Variants in DEPDC5 observed in about 807,000 individuals in gnomAD.
DEPDC5 encodes DEP domain containing 5, GATOR1 subcomplex subunit.
A neutral mutation model predicts 217.3 loss-of-function variants in DEPDC5; 73 were observed. The observed-to-expected ratio is 0.34, with a 90% CI of 0.28 to 0.41. DEPDC5 has a LOEUF of 0.41. Among genes scored for constraint, DEPDC5 ranks in the 10% least tolerant of loss-of-function variants. The pLI, the probability that DEPDC5 is intolerant of heterozygous loss-of-function variation, is 1.00. For missense variants in DEPDC5, 1,675 were observed against 2,070.1 expected (o/e 0.81, Z 3.70); for synonymous variants, 733 against 756.7 (o/e 0.97, Z 0.51).
chr22:31,907,473 T>G lies in DEPDC5; in HGVS notation c.*976T>G, dbSNP rs2093773444. 1 of 152,186 alleles carries G rather than the reference T, an allele frequency of 6.6e-6. No individual in the cohort carries two copies. The allele number at this position is 152,186 out of a possible 1,614,324, so 9.4% of individuals were successfully genotyped here. A position where few individuals can be genotyped will look rare whatever the true frequency, so the allele number is the denominator to read the frequency against. On this transcript the variant is annotated 3_prime_UTR_variant, in exon 43 of 43. Coordinates refer to ENST00000651528, the MANE Select transcript of DEPDC5 (RefSeq NM_001242896.3). Reference sequence around the variant, plus strand: ...TGTGATCTCAGCTCACTACAACCTCTGCCTCCTGGGTTCAAGCGATTCTCC... The same window carrying G: ...TGTGATCTCAGCTCACTACAACCTCGGCCTCCTGGGTTCAAGCGATTCTCC...
chr22:31,765,937 C>T (rs1233669963), intron 5 of DEPDC5, among the ~76,000 whole-genome samples: 2 of 152,130 alleles, frequency 1.3e-5, no homozygotes, highest in Non-Finnish European at 2.9e-5. Flanking sequence ...GCATGAGAGT[C>T]ACTTGAGCCC....
intron 40 of DEPDC5, among the ~76,000 whole-genome samples, chr22:31,899,099 G>A (rs1280386116): frequency 1.3e-5 from 2 of 152,232 alleles, no homozygotes; most frequent in Non-Finnish European, 2.9e-5. Flanking sequence ...TGCCCACAGG[G>A]CTGGCGTTGG....
At chr22:31,869,326 G>A (rs940049270) in intron 33 of DEPDC5, among the ~76,000 whole-genome samples, 1 of 152,112 alleles carries the variant, frequency 6.6e-6, no homozygotes, top group Non-Finnish European at 1.5e-5. Flanking sequence ...AGTAGAGAGG[G>A]AGATGGATCT....
intron 35 of DEPDC5, among the ~76,000 whole-genome samples, chr22:31,873,558 C>A (rs999582519): frequency 4.0e-5 from 6 of 151,634 alleles, no homozygotes; most frequent in Admixed American, 3.9e-4. Flanking sequence ...GTCACCCAGG[C>A]TAGAGTGCGG....
chr22:31,904,315 G>A (rs974919251), intron 41 of DEPDC5, among the ~76,000 whole-genome samples: 5 of 152,220 alleles, frequency 3.3e-5, no homozygotes, highest in Non-Finnish European at 5.9e-5. Flanking sequence ...AGGTGGCCAG[G>A]AACCATGTGG....
chr22:31,846,941 C>T lies in DEPDC5; in HGVS notation c.3129C>T (p.Ala1043=). Residue 1043 remains alanine (A), a synonymous_variant, in exon 31 of 43, where the codon GCC becomes GCT. Coordinates refer to ENST00000651528, the MANE Select transcript of DEPDC5 (RefSeq NM_001242896.3). ...AGAAGGGAACCTCAGCTCTCTCTGC[C>T]CTGTTGGAGATGGAGGCCAGTCAGA... ...VGKKGTSALS[A]LLEMEASQKC... The T allele has an allele frequency of 1.9e-6, 3 of 1,614,224 alleles. No individual in the cohort carries two copies. The highest frequency in any genetic ancestry group is 1.3e-5 in the African/African-American group (1 of 75,050).
intron 34 of DEPDC5, among the ~76,000 whole-genome samples, chr22:31,872,828 C>T (rs746878578): frequency 3.9e-5 from 6 of 152,100 alleles, no homozygotes; most frequent in African/African-American, 4.8e-5. Context: ...GACCTCAGCT[C>T]ACTGCACCCT....
intron 33 of DEPDC5, among the ~76,000 whole-genome samples, chr22:31,866,084 C>T (rs138673421): frequency 1.1e-4 from 17 of 152,218 alleles, no homozygotes; most frequent in Middle Eastern, 6.8e-3. Context: ...GACAAGCCCA[C>T]GAGGTGGAAG....
intron 24 of DEPDC5, among the ~76,000 whole-genome samples, chr22:31,826,098 C>T (rs758431652): frequency 6.6e-6 from 1 of 152,082 alleles, no homozygotes; most frequent in Non-Finnish European, 1.5e-5. Flanking sequence ...CCTCTGCCTC[C>T]CGGGTTCAAG....
intron 25 of DEPDC5, chr22:31,834,197 C>G: frequency 1.7e-6 from 1 of 582,846 alleles, no homozygotes; most frequent in Non-Finnish European, 3.2e-6. Context: ...GAAGGTGATT[C>G]AGGGGCACCT....
At chr22:31,825,853 T>G (rs1182656862) in intron 24 of DEPDC5, among the ~76,000 whole-genome samples, 1 of 152,106 alleles carries the variant, frequency 6.6e-6, no homozygotes, top group Non-Finnish European at 1.5e-5. Flanking sequence ...TTCACCTGCC[T>G]CCTCTTCCAC....
intron 7 of DEPDC5, among the ~76,000 whole-genome samples, chr22:31,771,063 G>T (rs188081541): frequency 6.6e-6 from 1 of 152,266 alleles, no homozygotes; most frequent in East Asian, 1.9e-4. Flanking sequence ...GATTATAGGC[G>T]TTGAGCCACC....
chr22:31,802,784 T>G lies in DEPDC5; in HGVS notation c.1027T>G (p.Phe343Val). 1 of 1,606,404 alleles carries G rather than the reference T, an allele frequency of 6.2e-7. No individual in the cohort carries two copies. The highest frequency in any genetic ancestry group is 8.5e-7 in the Non-Finnish European group (1 of 1,176,802). Residue 343 changes from phenylalanine to valine, a missense_variant, in exon 15 of 43, where the codon TTT becomes GTT. Phe to Val is a conservative substitution (Grantham distance 50). This residue lies in a region of DEPDC5 where 628 missense variants were observed against 762.1 expected (regional missense o/e 0.82). Coordinates refer to ENST00000651528, the MANE Select transcript of DEPDC5 (RefSeq NM_001242896.3). ...GGTGATCACGCCCGGGGTGGGTGTC[T>G]TTGAAGTGGACCGCCTACTCATGAT... ...SVVITPGVGV[F>V]EVDRLLMILT...
intron 4 of DEPDC5, among the ~76,000 whole-genome samples, chr22:31,761,558 G>T (rs1402759278): frequency 1.3e-5 from 2 of 151,630 alleles, no homozygotes; most frequent in Non-Finnish European, 2.9e-5. Context: ...AGCTACTCTG[G>T]AGGCTGAGGT....
chr22:31,843,371 G>A (rs2091513161), intron 28 of DEPDC5, among the ~76,000 whole-genome samples, 159 bp downstream of exon 28: 1 of 152,164 alleles, frequency 6.6e-6, no homozygotes, highest in South Asian at 2.1e-4. Flanking sequence ...TAGGGTTATA[G>A]CTTACCTACT....
intron 21 of DEPDC5, chr22:31,816,302 A>G (rs2089113418): frequency 6.6e-6 from 1 of 151,846 alleles, no homozygotes; most frequent in Non-Finnish European, 1.5e-5. Context: ...CCACCTCAAA[A>G]AAAAAAAAAC....
intron 33 of DEPDC5, among the ~76,000 whole-genome samples, chr22:31,865,165 C>T (rs1366332278): frequency 6.6e-6 from 1 of 152,070 alleles, no homozygotes; most frequent in African/African-American, 2.4e-5. Context: ...TTATTAGTAG[C>T]CTCACCTTTT....
At chr22:31,780,732 C>G (rs962206137) in intron 8 of DEPDC5, among the ~76,000 whole-genome samples, 1 of 152,214 alleles carries the variant, frequency 6.6e-6, no homozygotes, top group East Asian at 1.9e-4. Flanking sequence ...GATCTGTGCA[C>G]TCATTAGCAG....
intron 22 of DEPDC5, among the ~76,000 whole-genome samples, chr22:31,820,661 G>A (rs1053188883): frequency 2.0e-5 from 3 of 151,974 alleles, no homozygotes; most frequent in Admixed American, 2.0e-4. Flanking sequence ...TCCCTTCCAG[G>A]TCACTTAGAA....
Sources: allele counts gnomAD v4.1 joint callset (sites outside exome capture counted in the v4.1 genomes callset), GRCh38; gene constraint gnomAD v4.1.1; regional missense constraint gnomAD v4.1.1; transcripts MANE v1.5; gene names NCBI Gene and HGNC (gene_info 2026-07-23, HGNC 2026-07-21).